The following RBMS3 variants were observed in gnomAD, a reference collection of about 807,000 sequenced individuals.
RBMS3 encodes RNA binding motif single stranded interacting protein 3, also known as RNA-binding motif, single-stranded-interacting protein 3.
In RBMS3, 27 loss-of-function variants were observed where a neutral mutation model predicts 66.8. That is an observed-to-expected ratio of 0.40 (90% CI 0.30 to 0.56). The LOEUF (loss-of-function observed/expected upper bound fraction) is 0.56. Among genes scored for constraint, RBMS3 ranks in the 20% least tolerant of loss-of-function variants. The pLI is 0.40. For missense variants in RBMS3, 513 were observed against 549.5 expected (o/e 0.93, Z 0.66); for synonymous variants, 188 against 183.0 (o/e 1.03, Z -0.22).
chr3:29,702,698 C>A (rs2052675907), intron 4 of RBMS3, among the ~76,000 whole-genome samples: 1 of 152,052 alleles, frequency 6.6e-6, no homozygotes, highest in African/African-American at 2.4e-5. Context: ...GAACGAACAA[C>A]TCCAGATGCA....
chr3:29,804,525 C>T (rs1052550865), intron 6 of RBMS3, among the ~76,000 whole-genome samples: 2 of 151,920 alleles, frequency 1.3e-5, no homozygotes, highest in African/African-American at 4.8e-5. Context: ...ACACTATGTG[C>T]CAATCATTGA....
chr3:29,448,019 A>G (rs1422982031), intron 2 of RBMS3, among the ~76,000 whole-genome samples: 2 of 152,226 alleles, frequency 1.3e-5, no homozygotes, highest in Non-Finnish European at 1.5e-5. Flanking sequence ...CAAATTTAAG[A>G]TAAAGAATGG....
chr3:29,357,317 T>C (rs1452606384), intron 1 of RBMS3, among the ~76,000 whole-genome samples: 8 of 152,180 alleles, frequency 5.3e-5, no homozygotes, highest in Admixed American at 3.3e-4. Context: ...TTTGTCCTTG[T>C]GATAGTTTGC....
chr3:29,603,510 T>C (rs1438665142), intron 4 of RBMS3, among the ~76,000 whole-genome samples: 1 of 151,996 alleles, frequency 6.6e-6, no homozygotes, highest in Non-Finnish European at 1.5e-5. Context: ...TTTGTGGTTC[T>C]CTTGACTGAG....
intron 8 of RBMS3, among the ~76,000 whole-genome samples, chr3:29,895,351 A>C (rs559861229): frequency 6.6e-6 from 1 of 151,586 alleles, no homozygotes; most frequent in African/African-American, 2.4e-5. Flanking sequence ...AAACACATAC[A>C]ATCATGTAAC....
intron 6 of RBMS3, chr3:29,767,386 C>A (rs771278391): frequency 6.7e-6 from 1 of 150,056 alleles, no homozygotes; most frequent in Non-Finnish European, 1.5e-5. Flanking sequence ...TTCTGGTATG[C>A]TTTCCTTACT....
In RBMS3 at chr3:29,587,178, A is replaced by G; in HGVS notation, c.372A>G (p.Ala124=). Residue 124 remains alanine, a synonymous_variant, in exon 4 of 15, where the codon GCA becomes GCG. Transcript: ENST00000383767. ...AGAAAGCGGTAGCATCTCTCAAGGC[A>G]AATGGCGTGCAGGCACAGATGGCTA... ...AAQKAVASLK[A]NGVQAQMAKQ... 1 of 1,589,186 alleles carries G rather than the reference A, an allele frequency of 6.3e-7. No individual in the cohort carries two copies. Among genetic ancestry groups the G allele is most frequent in the Non-Finnish European group, 8.6e-7 (1 of 1,166,652 alleles).
At chr3:29,433,846 A>G (rs1337192946) in intron 1 of RBMS3, among the ~76,000 whole-genome samples, 2 of 152,222 alleles carry the variant, frequency 1.3e-5, no homozygotes, top group African/African-American at 2.4e-5. Context: ...ATTTTGCCAT[A>G]TAATAATGTA....
intron 2 of RBMS3, among the ~76,000 whole-genome samples, chr3:29,462,191 C>T (rs1222322897): frequency 6.6e-6 from 1 of 152,022 alleles, no homozygotes; most frequent in African/African-American, 2.4e-5. Context: ...TACCAATGTT[C>T]GATTCCTGAA....
intron 12 of RBMS3, among the ~76,000 whole-genome samples, chr3:29,953,723 T>C (rs1210796886): frequency 6.6e-6 from 1 of 151,936 alleles, no homozygotes; most frequent in African/African-American, 2.4e-5. Context: ...AGTTTCTTTG[T>C]CCTCTGCAAA....
intron 2 of RBMS3, among the ~76,000 whole-genome samples, chr3:29,437,058 G>GTGTT (rs1316231799): frequency 6.6e-6 from 1 of 152,060 alleles, no homozygotes; most frequent in Non-Finnish European, 1.5e-5. Context: ...TATTATTTCT[G>GTGTT]TGTTTACTTG....
chr3:29,800,216 G>A (rs1360722805), intron 6 of RBMS3, among the ~76,000 whole-genome samples: 5 of 147,954 alleles, frequency 3.4e-5, no homozygotes, highest in East Asian at 2.0e-4. Flanking sequence ...TTTCAGAAAG[G>A]CCTTAATTTT....
chr3:29,331,622 T>C (rs1180303575), intron 1 of RBMS3, among the ~76,000 whole-genome samples: 2 of 152,096 alleles, frequency 1.3e-5, no homozygotes, highest in Non-Finnish European at 2.9e-5. Context: ...GTGATCCATG[T>C]AGAATGTTAT....
intron 6 of RBMS3, among the ~76,000 whole-genome samples, chr3:29,774,658 A>T (rs921173240): frequency 6.6e-6 from 1 of 152,016 alleles, no homozygotes; most frequent in Non-Finnish European, 1.5e-5. Flanking sequence ...CATAATACGA[A>T]TTCATTATTT....
intron 5 of RBMS3, among the ~76,000 whole-genome samples, chr3:29,744,783 C>CGG (rs559679319): frequency 0.012 from 1,053 of 87,810 alleles, 17 homozygotes; most frequent in African/African-American, 0.016. Context: ...GACTCCGTCT[C>CGG]GGAAAAAAAA....
chr3:29,880,709 A>G (rs760603931), intron 7 of RBMS3: 1 of 1,405,708 alleles, frequency 7.1e-7, no homozygotes, highest in Admixed American at 2.0e-5. Flanking sequence ...AACCCATGCC[A>G]TGTTGTTACC....
intron 6 of RBMS3, among the ~76,000 whole-genome samples, chr3:29,844,405 G>A (rs995814657): frequency 2.8e-4 from 42 of 152,200 alleles, no homozygotes; most frequent in African/African-American, 8.2e-4. Flanking sequence ...ATTAGAGTAC[G>A]GTATTTAAGG....
chr3:29,804,481 T>C (rs780166315), intron 6 of RBMS3, among the ~76,000 whole-genome samples: 2 of 152,062 alleles, frequency 1.3e-5, no homozygotes, highest in African/African-American at 4.8e-5. Flanking sequence ...CCTTTATGTA[T>C]TTTAAGATGG....
intron 4 of RBMS3, among the ~76,000 whole-genome samples, chr3:29,654,006 C>T (rs2050234199): frequency 6.6e-6 from 1 of 152,146 alleles, no homozygotes; most frequent in Admixed American, 6.5e-5. Flanking sequence ...TCATAAGGAT[C>T]TGATGAATTA....
Sources: gnomAD v4.1 joint callset for allele counts (sites outside exome capture counted in the v4.1 genomes callset) on GRCh38, gnomAD v4.1.1 for gene constraint, MANE v1.5 for transcripts, NCBI Gene and HGNC (gene_info 2026-07-23, HGNC 2026-07-21) for gene names.